OSBPL11: variants seen among roughly 807,000 people sequenced by gnomAD.
OSBPL11 encodes the protein oxysterol-binding protein-related protein 11.
A neutral mutation model predicts 84.4 loss-of-function variants in OSBPL11; 33 were observed. The observed-to-expected ratio is 0.39, with a 90% CI of 0.30 to 0.52. OSBPL11 has a LOEUF of 0.52. Ranked by LOEUF, OSBPL11 falls within the 20% of genes least tolerant of loss-of-function variation. OSBPL11 has a pLI of 0.72. For synonymous variants in OSBPL11, 276 were observed against 310.2 expected, an observed-to-expected ratio of 0.89 and a Z score of 1.16; for missense variants, 736 against 901.1, an observed-to-expected ratio of 0.82 and a Z score of 2.35.
intron 10 of OSBPL11, among the ~76,000 whole-genome samples, chr3:125,543,671 T>C (rs546095683): frequency 4.7e-4 from 71 of 152,034 alleles, no homozygotes; most frequent in South Asian, 2.1e-3. Context: ...GAGGCCAAGG[T>C]GGGCAGATCA....
rs764161590 is a variant in OSBPL11 at position 125,538,604 on chromosome 3, G to T, written c.1871C>A (p.Thr624Asn). Residue 624 changes from threonine to asparagine, a missense_variant, in exon 11 of 13, where the codon ACC (threonine) becomes AAC (asparagine). Thr to Asn is a moderately conservative substitution (Grantham distance 65, BLOSUM62 0). Coordinates refer to ENST00000296220, the MANE Select transcript of OSBPL11 (RefSeq NM_022776.5). ...RVTAEVKHNITNTVVCRVQGE... is the reference protein window; with the variant it reads ...RVTAEVKHNINNTVVCRVQGE... ...TTGCACTCTGCATACCACAGTGTTG[G>T]TGATGTTGTGCTTTACTTCAGCTGT... The T allele has an allele frequency of 5.6e-6, 9 of 1,611,548 alleles. No homozygotes were observed. The highest frequency in any genetic ancestry group is 1.7e-6 in the Non-Finnish European group (2 of 1,179,052).
chr3:125,540,703 C>T (rs1302811896), intron 10 of OSBPL11, among the ~76,000 whole-genome samples: 2 of 152,154 alleles, frequency 1.3e-5, no homozygotes, highest in African/African-American at 2.4e-5. Flanking sequence ...ACTACCATAG[C>T]GCATCTCTCA....
intron 10 of OSBPL11, among the ~76,000 whole-genome samples, chr3:125,545,796 G>A (rs1935803501): frequency 1.3e-5 from 2 of 152,056 alleles, no homozygotes; most frequent in African/African-American, 4.8e-5. Flanking sequence ...GATAGATGTG[G>A]AAACTAAGGG....
At chr3:125,572,752 A>C (rs1936260481) in intron 5 of OSBPL11, among the ~76,000 whole-genome samples, 1 of 151,140 alleles carries the variant, frequency 6.6e-6, no homozygotes, top group South Asian at 2.1e-4. Context: ...TTTTCTGTAT[A>C]AATTACCCAG....
Position 125,531,849 on chromosome 3 carries a change from T to G in OSBPL11, c.2178+12A>C, listed in dbSNP as rs770554601. On this transcript the variant is annotated intron_variant, in intron 12 of 12. Coordinates refer to ENST00000296220, the MANE Select transcript of OSBPL11 (RefSeq NM_022776.5). ...TAGATACATTTTTATCTTGAACACA[T>G]GTACAGCATACCTCTTTAATAAAAT... is the stretch of plus-strand genomic sequence containing the variant. 3.1e-6 allele frequency: 5 copies of G among 1,601,734 alleles called. No homozygotes were observed. Among genetic ancestry groups the G allele is most frequent in the African/African-American group, 1.3e-5 (1 of 74,314 alleles).
In OSBPL11 at chr3:125,552,401, G is replaced by A; in HGVS notation, c.1434C>T (p.Thr478=). ...VASSVFSSSS[T]QGVTNHAPLS... is the part of the protein sequence containing the mutation. ...AAGGAGCATGATTTGTGACTCCCTG[G>A]GTGGAAGAACTGCTAAAAACACTGG... Residue 478 remains threonine (T), a synonymous_variant, in exon 9 of 13, where the codon ACC becomes ACT. Coordinates refer to ENST00000296220, the MANE Select transcript of OSBPL11 (RefSeq NM_022776.5). 4 of 1,614,078 alleles carry A rather than the reference G, an allele frequency of 2.5e-6. No homozygotes were observed. In the South Asian group the frequency reaches 3.3e-5, roughly 13 times the overall value.
At chr3:125,587,903 C>T (rs907545992) in intron 1 of OSBPL11, among the ~76,000 whole-genome samples, 1 of 152,188 alleles carries the variant, frequency 6.6e-6, no homozygotes, top group Non-Finnish European at 1.5e-5. Flanking sequence ...CGTGCCATTG[C>T]ACTCCAGCCT....
intron 9 of OSBPL11, among the ~76,000 whole-genome samples, chr3:125,550,886 C>G (rs1350610145): frequency 6.6e-6 from 1 of 152,146 alleles, no homozygotes; most frequent in Non-Finnish European, 1.5e-5. Flanking sequence ...TGGCCTCCAT[C>G]TCCTAAAGTG....
intron 4 of OSBPL11, among the ~76,000 whole-genome samples, chr3:125,578,249 C>T (rs1048106720): frequency 8.5e-5 from 13 of 152,198 alleles, no homozygotes; most frequent in Admixed American, 2.0e-4. Flanking sequence ...ACCTTGAAAA[C>T]ATGCTAAATG....
At chr3:125,590,421 G>A (rs1479944756) in intron 1 of OSBPL11, among the ~76,000 whole-genome samples, 1 of 152,134 alleles carries the variant, frequency 6.6e-6, no homozygotes, top group Admixed American at 6.5e-5. Flanking sequence ...GTGGTGGCAA[G>A]TGCCTGTGGT....
intron 1 of OSBPL11, among the ~76,000 whole-genome samples, chr3:125,593,347 C>T (rs1202655150): frequency 2.0e-5 from 3 of 152,172 alleles, no homozygotes; most frequent in African/African-American, 4.8e-5. Flanking sequence ...TGGCCAGGCG[C>T]GGTGGCTCAA....
intron 11 of OSBPL11, among the ~76,000 whole-genome samples, chr3:125,534,281 G>T (rs1025574689): frequency 6.6e-6 from 1 of 152,010 alleles, no homozygotes; most frequent in Non-Finnish European, 1.5e-5. Flanking sequence ...TACTCGGGAG[G>T]CTGAGGCATG....
At chr3:125,588,239 A>AG (rs1936545063) in intron 1 of OSBPL11, among the ~76,000 whole-genome samples, 1 of 151,736 alleles carries the variant, frequency 6.6e-6, no homozygotes, top group African/African-American at 2.4e-5. Context: ...AAAAAAAAAA[A>AG]AAAGAGAAGT....
intron 1 of OSBPL11, among the ~76,000 whole-genome samples, chr3:125,592,528 C>T (rs1366145343): frequency 6.6e-6 from 1 of 152,038 alleles, no homozygotes; most frequent in African/African-American, 2.4e-5. Context: ...CATGTCATCA[C>T]ATGTTTATTA....
At chr3:125,543,649 C>A (rs1406517441) in intron 10 of OSBPL11, among the ~76,000 whole-genome samples, 1 of 152,020 alleles carries the variant, frequency 6.6e-6, no homozygotes, top group East Asian at 1.9e-4. Flanking sequence ...ACCTGTAATC[C>A]CAGCACTTTG....
At position 125,560,435 on chromosome 3, in the gene OSBPL11, G is replaced by C; in HGVS notation, c.1099C>G (p.Arg367Gly). 1 of 1,607,910 alleles carries C rather than the reference G, an allele frequency of 6.2e-7. No homozygotes were observed. Among genetic ancestry groups the C allele is most frequent in the Non-Finnish European group, 8.5e-7 (1 of 1,176,498 alleles). ...GACAAGAGATGTAGGATGACACTAC[G>C]TTGTTCTTCTACAGCTCCCAGGTCA... ...EDDLGAVEEQ[R>G]SVILHLLSQL... Residue 367 changes from arginine (R) to glycine (G), a missense_variant, in exon 8 of 13, where the codon CGT becomes GGT. This residue lies in a region of OSBPL11 where 579 missense variants were observed against 717.6 expected (regional missense o/e 0.81). Transcript: ENST00000296220.
At chr3:125,569,522 C>A (rs1936212086) in intron 5 of OSBPL11, among the ~76,000 whole-genome samples, 3 of 152,122 alleles carry the variant, frequency 2.0e-5, no homozygotes, top group Admixed American at 6.5e-5. Flanking sequence ...TAGGAACCAA[C>A]TCCCATTAAT....
chr3:125,545,688 T>C (rs1580040891), intron 10 of OSBPL11, among the ~76,000 whole-genome samples: 1 of 151,948 alleles, frequency 6.6e-6, no homozygotes, highest in Non-Finnish European at 1.5e-5. Context: ...CACCACACAC[T>C]ATATATATAG....
intron 8 of OSBPL11, among the ~76,000 whole-genome samples, chr3:125,558,904 C>T (rs1936032205): frequency 6.6e-6 from 1 of 152,198 alleles, no homozygotes; most frequent in South Asian, 2.1e-4. Context: ...ATTCTGCATT[C>T]CTAACAAGTT....
Sources: gnomAD v4.1 joint callset for allele counts (sites outside exome capture counted in the v4.1 genomes callset) on GRCh38, gnomAD v4.1.1 for gene constraint, gnomAD v4.1.1 regional missense constraint, MANE v1.5 for transcripts, NCBI Gene and HGNC (gene_info 2026-07-23, HGNC 2026-07-21) for gene names.